Variants in PTPRG observed in about 807,000 individuals in gnomAD.
The protein encoded by PTPRG is receptor-type tyrosine-protein phosphatase gamma.
A neutral mutation model predicts 165.3 loss-of-function variants in PTPRG; 102 were observed. The ratio of observed to expected loss-of-function variants is 0.62; its 90% confidence interval spans 0.53 to 0.73. PTPRG has a LOEUF of 0.73. PTPRG is among the 30% of genes least tolerant of loss of function. The pLI is 0.00. For missense variants in PTPRG, 1,866 were observed against 1,861.4 expected (o/e 1.00, Z -0.05); for synonymous variants, 675 against 669.5 (o/e 1.01, Z -0.13).
At chr3:61,835,768 G>A (rs1435090200) in intron 2 of PTPRG, among the ~76,000 whole-genome samples, 1 of 152,106 alleles carries the variant, frequency 6.6e-6, no homozygotes, top group Admixed American at 6.5e-5. Flanking sequence ...GCCGGGCACA[G>A]TGGCTCACAC....
At chr3:62,033,464 A>G (rs1423032434) in intron 4 of PTPRG, among the ~76,000 whole-genome samples, 5 of 151,146 alleles carry the variant, frequency 3.3e-5, no homozygotes, top group East Asian at 3.9e-4. Flanking sequence ...CCCGGGCCCA[A>G]GTGATTCTCC....
At chr3:61,694,117 A>T (rs111342964) in intron 1 of PTPRG, among the ~76,000 whole-genome samples, 2,358 of 152,116 alleles carry the variant, frequency 0.016, 66 homozygotes, top group African/African-American at 0.05. Flanking sequence ...TTGAGGATCT[A>T]CCATGCCATT....
intron 5 of PTPRG, chr3:62,124,408 G>T (rs112142094): frequency 1.2e-6 from 2 of 1,613,728 alleles, no homozygotes; most frequent in Non-Finnish European, 8.5e-7. Context: ...AGTCGATGAC[G>T]TGCTGCAGGA....
At chr3:61,643,537 T>C (rs1208819301) in intron 1 of PTPRG, among the ~76,000 whole-genome samples, 2 of 152,190 alleles carry the variant, frequency 1.3e-5, no homozygotes, top group Non-Finnish European at 2.9e-5. Flanking sequence ...GCCAGCACTT[T>C]GGGAGGCCGA....
At position 61,894,754 on chromosome 3, in the gene PTPRG, G is replaced by C. The variant is rs148190763; in HGVS notation, c.191-94871G>C. ...AAACCTTCTTCCTTGGGATGAATCA[G>C]ATTTGAGAAGATCAAGGGAGTAACA... On this transcript the variant is annotated intron_variant, in intron 2 of 29. Transcript: ENST00000474889. 3.5e-3 allele frequency among the ~76,000 whole-genome samples: 539 copies of C among 152,280 alleles called. 1 individual carries two copies. The highest frequency in any genetic ancestry group is 0.013 in the African/African-American group (521 of 41,560).
Position 61,694,025 on chromosome 3 carries a change from A to AAG in PTPRG, c.86-54836_86-54835dup, listed in dbSNP as rs770989000. ...TCCATCTCCAAAAAAAAAAAAAAAAAAGAGAGAGAGAGAGAGAGGGAAGCA... is the reference window on the plus strand; with the variant it reads ...TCCATCTCCAAAAAAAAAAAAAAAAAAGAGAGAGAGAGAGAGAGAGGGAAGCA... On this transcript the variant is annotated intron_variant, in intron 1 of 29. Coordinates refer to ENST00000474889, the MANE Select transcript of PTPRG (RefSeq NM_002841.4). 4.4e-3 allele frequency among the ~76,000 whole-genome samples: 639 copies of AAG among 145,950 alleles called. 4 individuals carry two copies. Among genetic ancestry groups the AAG allele is most frequent in the Middle Eastern group, 0.029 (8 of 274 alleles).
intron 15 of PTPRG, among the ~76,000 whole-genome samples, chr3:62,246,698 C>G (rs1443150960): frequency 2.0e-5 from 3 of 152,058 alleles, no homozygotes; most frequent in Admixed American, 6.6e-5. Context: ...AATGATTTAT[C>G]TTAGAAATTA....
chr3:61,993,127 A>C (rs905598411), intron 3 of PTPRG, among the ~76,000 whole-genome samples: 2 of 152,098 alleles, frequency 1.3e-5, no homozygotes, highest in Admixed American at 1.3e-4. Context: ...TTCCACATTG[A>C]ATAATATTGA....
chr3:62,009,356 C>G (rs1475294796), intron 4 of PTPRG, among the ~76,000 whole-genome samples: 3 of 152,164 alleles, frequency 2.0e-5, no homozygotes, highest in Non-Finnish European at 4.4e-5. Context: ...AGGCAAAGTT[C>G]AGGATTGTCC....
intron 2 of PTPRG, among the ~76,000 whole-genome samples, chr3:61,798,009 TCTGC>T (rs1314606622): frequency 6.6e-6 from 1 of 152,176 alleles, no homozygotes; most frequent in African/African-American, 2.4e-5. Context: ...GATACTTGAG[TCTGC>T]CTGCTGAATC....
At chr3:61,727,085 T>C (rs1361375989) in intron 1 of PTPRG, among the ~76,000 whole-genome samples, 1 of 152,168 alleles carries the variant, frequency 6.6e-6, no homozygotes, top group Non-Finnish European at 1.5e-5. Context: ...GAATTTAATT[T>C]TGATTTTGAT....
chr3:61,809,438 G>A (rs970734586), intron 2 of PTPRG, among the ~76,000 whole-genome samples: 1 of 152,082 alleles, frequency 6.6e-6, no homozygotes, highest in Non-Finnish European at 1.5e-5. Context: ...GGGACAGATA[G>A]AAAATCCAAC....
intron 4 of PTPRG, among the ~76,000 whole-genome samples, chr3:62,072,034 C>T (rs1167809992): frequency 6.6e-6 from 1 of 152,150 alleles, no homozygotes; most frequent in African/African-American, 2.4e-5. Flanking sequence ...TGTAGGAAAC[C>T]AGACATATAC....
At chr3:61,950,754 G>GGTAAATT (rs1417391998) in intron 2 of PTPRG, among the ~76,000 whole-genome samples, 1 of 152,182 alleles carries the variant, frequency 6.6e-6, no homozygotes, top group East Asian at 1.9e-4. Context: ...GTTTATGCCT[G>GGTAAATT]CCACAGGAAA....
chr3:61,950,704 T>C (rs1173771080), intron 2 of PTPRG, among the ~76,000 whole-genome samples: 1 of 152,260 alleles, frequency 6.6e-6, no homozygotes, highest in African/African-American at 2.4e-5. Flanking sequence ...TTGCTTCATA[T>C]TTGAACTGGC....
At chr3:61,701,227 A>G (rs1256502787) in intron 1 of PTPRG, among the ~76,000 whole-genome samples, 1 of 152,056 alleles carries the variant, frequency 6.6e-6, no homozygotes. Context: ...TTCTTTGGGG[A>G]CTGTGTTTCC....
intron 6 of PTPRG, among the ~76,000 whole-genome samples, chr3:62,134,516 G>T (rs1703634740): frequency 6.6e-6 from 1 of 152,156 alleles, no homozygotes. Flanking sequence ...TGCCAAGGGT[G>T]TCTCCTTCTT....
At chr3:62,288,085 ATGATGATGAAGGCACTGC>A (rs911520058) in intron 28 of PTPRG, among the ~76,000 whole-genome samples, 4 of 151,728 alleles carry the variant, frequency 2.6e-5, no homozygotes, top group African/African-American at 9.7e-5. Context: ...CTAAAACTAA[ATGATGATGAAGGCACTGC>A]ATTTCAAAAC....
At chr3:62,105,984 T>C (rs1175961506) in intron 5 of PTPRG, among the ~76,000 whole-genome samples, 4 of 152,182 alleles carry the variant, frequency 2.6e-5, no homozygotes, top group Non-Finnish European at 5.9e-5. Flanking sequence ...CATTAACACA[T>C]TTAGAGATTT....
Sources: gnomAD v4.1 joint callset for allele counts (sites outside exome capture counted in the v4.1 genomes callset) on GRCh38, gnomAD v4.1.1 for gene constraint, MANE v1.5 for transcripts, NCBI Gene and HGNC (gene_info 2026-07-23, HGNC 2026-07-21) for gene names.